RP1: variants seen among roughly 807,000 people sequenced by gnomAD.
RP1 encodes the protein RP1 axonemal microtubule associated, also known as oxygen-regulated protein 1.
RP1 carries 16 observed loss-of-function variants against 14.8 expected under a neutral mutation model. The ratio of observed to expected loss-of-function variants is 1.08; its 90% CI spans 0.73 to 1.65. The LOEUF is 1.65. RP1 is among the 40% of genes most tolerant of loss of function. The pLI is 0.00. For missense variants in RP1, 2,631 were observed against 2,535.0 expected (o/e 1.04, Z -0.81); for synonymous variants, 876 against 883.6 (o/e 0.99, Z 0.15).
chr8:54,692,958 A>G (rs1285300575), intron 12 of RP1, among the ~76,000 whole-genome samples: 3 of 152,166 alleles, frequency 2.0e-5, no homozygotes, highest in South Asian at 2.1e-4. Flanking sequence ...TAGGTCTAAC[A>G]TTTACGTCTT....
At chr8:54,584,223 AG>A (rs1161767964) in intron 1 of RP1, among the ~76,000 whole-genome samples, 1 of 152,222 alleles carries the variant, frequency 6.6e-6, no homozygotes, top group Admixed American at 6.5e-5. Flanking sequence ...TTGGTTTCAA[AG>A]AACATCTTTA....
intron 25 of RP1, among the ~76,000 whole-genome samples, chr8:54,845,930 T>C (rs1301074295): frequency 1.3e-5 from 2 of 152,218 alleles, no homozygotes; most frequent in Non-Finnish European, 2.9e-5. Flanking sequence ...TATGCATTTA[T>C]AGACACATAT....
At chr8:54,618,011 C>T (rs996434668) in intron 1 of RP1, among the ~76,000 whole-genome samples, 1 of 152,204 alleles carries the variant, frequency 6.6e-6, no homozygotes, top group Non-Finnish European at 1.5e-5. Flanking sequence ...AATCTCAACA[C>T]TCTACCTAAA....
chr8:54,837,024 G>A (rs1293913074), intron 24 of RP1, among the ~76,000 whole-genome samples: 1 of 152,114 alleles, frequency 6.6e-6, no homozygotes, highest in Non-Finnish European at 1.5e-5. Context: ...ATCACAGCGT[G>A]AACCCTAGTT....
chr8:54,720,407 T>C, intron 16 of RP1: 2 of 1,051,992 alleles, frequency 1.9e-6, no homozygotes, highest in Non-Finnish European at 2.6e-6. Context: ...AAATCTCTGC[T>C]GCTAGGCTTT....
intron 25 of RP1, among the ~76,000 whole-genome samples, chr8:54,851,578 C>A (rs1181743093): frequency 6.6e-6 from 1 of 152,130 alleles, no homozygotes; most frequent in East Asian, 1.9e-4. Context: ...TTATAGGTTG[C>A]TTGAAATATT....
chr8:54,855,382 T>A (rs1812168443), intron 26 of RP1, among the ~76,000 whole-genome samples: 1 of 152,250 alleles, frequency 6.6e-6, no homozygotes, highest in African/African-American at 2.4e-5. Context: ...GATGGACACT[T>A]GGGTTGCTTC....
intron 6 of RP1, among the ~76,000 whole-genome samples, chr8:54,660,310 T>C (rs1360302483): frequency 1.3e-5 from 2 of 152,196 alleles, no homozygotes; most frequent in Non-Finnish European, 2.9e-5. Context: ...GTGTTAGCTG[T>C]GAGCTTTTTA....
At chr8:54,571,013 C>T (rs1290130467) in intron 1 of RP1, among the ~76,000 whole-genome samples, 2 of 152,194 alleles carry the variant, frequency 1.3e-5, no homozygotes, top group South Asian at 2.1e-4. Flanking sequence ...GACTGGCCGT[C>T]ATCACATCCC....
chr8:54,866,226 G>A (rs1563400820), intron 28 of RP1, among the ~76,000 whole-genome samples: 2 of 152,136 alleles, frequency 1.3e-5, no homozygotes, highest in African/African-American at 2.4e-5. Flanking sequence ...TGCTAGTACT[G>A]TGAACTTGGG....
chr8:54,676,043 C>T (rs1303872408), intron 8 of RP1, among the ~76,000 whole-genome samples: 3 of 151,976 alleles, frequency 2.0e-5, no homozygotes, highest in African/African-American at 7.2e-5. Flanking sequence ...TGAGGGCACT[C>T]ATCCCACTCA....
chr8:54,691,902 G>A (rs932455801), intron 12 of RP1, among the ~76,000 whole-genome samples: 26 of 151,776 alleles, frequency 1.7e-4, no homozygotes, highest in African/African-American at 6.1e-4. Flanking sequence ...TGCCATGTTC[G>A]TGTACAGCAC....
intron 24 of RP1, among the ~76,000 whole-genome samples, chr8:54,797,902 A>G (rs1299362363): frequency 1.5e-5 from 2 of 130,584 alleles, no homozygotes; most frequent in Non-Finnish European, 3.2e-5. Context: ...TTTAACCATA[A>G]GCCTATGGTT....
chr8:54,787,170 G>T (rs1810339279), intron 24 of RP1, among the ~76,000 whole-genome samples: 1 of 152,094 alleles, frequency 6.6e-6, no homozygotes, highest in Non-Finnish European at 1.5e-5. Context: ...CAGCTCTATG[G>T]TTGCACCTAG....
At chr8:54,585,218 C>A (rs183042714) in intron 1 of RP1, among the ~76,000 whole-genome samples, 2 of 152,154 alleles carry the variant, frequency 1.3e-5, no homozygotes, top group Non-Finnish European at 2.9e-5. Context: ...TCAGCATTTG[C>A]TTGTCTGTAA....
downstream of RP1, among the ~76,000 whole-genome samples, chr8:54,633,735 CTCTATATA>C (rs1335721699): frequency 4.7e-5 from 6 of 126,458 alleles, no homozygotes; most frequent in African/African-American, 1.6e-4. Context: ...CTCTCTCTCT[CTCTATATA>C]TATATATATA....
intron 17 of RP1, among the ~76,000 whole-genome samples, chr8:54,726,674 T>A (rs1157132409): frequency 1.3e-5 from 2 of 152,130 alleles, no homozygotes; most frequent in Non-Finnish European, 2.9e-5. Context: ...TTAAATGTGT[T>A]TCTTTGTCTT....
At chr8:54,780,578 T>G (rs1461488502) in intron 23 of RP1, among the ~76,000 whole-genome samples, 2 of 152,200 alleles carry the variant, frequency 1.3e-5, no homozygotes, top group African/African-American at 4.8e-5. Flanking sequence ...AAAAGGAAGG[T>G]AGTGTCTGTA....
chr8:54,580,465 C>T (rs1804762375), intron 1 of RP1, among the ~76,000 whole-genome samples: 1 of 150,334 alleles, frequency 6.7e-6, no homozygotes, highest in African/African-American at 2.4e-5. Context: ...CGCCACCACG[C>T]CCAGCTAATT....
Sources: gnomAD v4.1 joint callset for allele counts (sites outside exome capture counted in the v4.1 genomes callset) on GRCh38, gnomAD v4.1.1 for gene constraint, MANE v1.5 for transcripts, NCBI Gene and HGNC (gene_info 2026-07-23, HGNC 2026-07-21) for gene names.